The following RNASE11 variants were observed in gnomAD, a reference collection of about 807,000 sequenced individuals.
RNASE11 encodes the protein putative inactive ribonuclease 11.
For missense variants in RNASE11, 252 were observed against 237.8 expected, an observed-to-expected ratio of 1.06 and a Z score of -0.39; for synonymous variants, 105 against 86.1, an observed-to-expected ratio of 1.22 and a Z score of -1.21.
chr14:20,585,784 T>C (rs1485845476), intron 1 of RNASE11, among the ~76,000 whole-genome samples: 1 of 152,248 alleles, frequency 6.6e-6, no homozygotes, highest in Middle Eastern at 3.2e-3. Context: ...TTCTCAACAC[T>C]ATTTGTTAAC....
chr14:20,587,157 T>C (rs2138892194), intron 1 of RNASE11, among the ~76,000 whole-genome samples: 1 of 152,316 alleles, frequency 6.6e-6, no homozygotes, highest in South Asian at 2.1e-4. Flanking sequence ...TGATCCTATA[T>C]ATCTGTATAA....
upstream of RNASE11, chr14:20,587,879 T>G (rs1464596515): frequency 1.0e-6 from 1 of 977,918 alleles, no homozygotes; most frequent in East Asian, 1.1e-4. Flanking sequence ...TGACATGACC[T>G]TGAACTAAGT....
At chr14:20,587,208 T>C (rs1342532006) in intron 1 of RNASE11, among the ~76,000 whole-genome samples, 1 of 152,202 alleles carries the variant, frequency 6.6e-6, no homozygotes. Flanking sequence ...TAGATAGATA[T>C]AGATACACAC....
In RNASE11 at chr14:20,584,064, G is replaced by T; in HGVS notation, c.411C>A (p.Cys137Ter). The stretch of plus-strand genomic sequence containing the variant: ...TTATGCCAGGATTCTGTACAAACTT[G>T]CAGCTGGGGGCCCTGTGGACCCTGC... Residue 137 changes from cysteine (C) to a stop codon, truncating the protein, a stop_gained, in exon 2 of 2, where the codon TGC becomes TGA. Coordinates refer to ENST00000553849, the Ensembl canonical transcript of RNASE11. LOFTEE classifies it low-confidence loss of function (END_TRUNC). 2 of 1,614,164 alleles carry T rather than the reference G, an allele frequency of 1.2e-6. No individual in the cohort carries two copies. The highest frequency in any genetic ancestry group is 2.2e-5 in the South Asian group (2 of 91,086).
chr14:20,583,727 A>C, exon 2 of RNASE11: 1 of 745,786 alleles, frequency 1.3e-6, no homozygotes, highest in Non-Finnish European at 2.1e-6. Flanking sequence ...ATTATCCACA[A>C]TTTTGGATTT....
exon 2 of RNASE11, chr14:20,583,776 T>C: frequency 1.5e-6 from 2 of 1,299,182 alleles, no homozygotes; most frequent in East Asian, 2.3e-5. Context: ...AGGAGTTCAC[T>C]ATAGTGCTAA....
exon 2 of RNASE11, chr14:20,583,593 G>T: frequency 9.0e-6 from 3 of 333,514 alleles, no homozygotes; most frequent in South Asian, 6.6e-5. Flanking sequence ...CTGTTTCTTG[G>T]CTTTATAGCT....
At chr14:20,584,237 T>C (rs375801285) in exon 2 of RNASE11, 25 of 1,614,128 alleles carry the variant, frequency 1.5e-5, no homozygotes, top group Non-Finnish European at 2.0e-5. Flanking sequence ...TAATGTAAAC[T>C]TCTGAATGTC....
intron 1 of RNASE11, among the ~76,000 whole-genome samples, chr14:20,584,730 C>A (rs1218644442): frequency 6.6e-6 from 1 of 152,144 alleles, no homozygotes; most frequent in Non-Finnish European, 1.5e-5. Flanking sequence ...TCCAGTTTCC[C>A]CATCTGAAAA....
In RNASE11 at chr14:20,584,109, G is replaced by A. The variant is rs199907192; in HGVS notation, c.366C>T (p.Arg122=). Reference sequence around the variant, plus strand: ...CCCTGCGCATCACTTCTGTGGAGCTGCGGATGAAGTTATTGCTCCACTTGC... The same window carrying A: ...CCCTGCGCATCACTTCTGTGGAGCTACGGATGAAGTTATTGCTCCACTTGC... The change falls in exon 2 of 2, where the codon CGC becomes CGT. Residue 122 remains arginine, a synonymous_variant. Transcript: ENST00000553849. 1.4e-4 allele frequency: 218 copies of A among 1,614,178 alleles called. 2 individuals are homozygous for A. The South Asian group carries it at 2.3e-3, about 17-fold the overall frequency.
chr14:20,584,110 C>T (rs376695059), exon 2 of RNASE11: 13 of 1,614,038 alleles, frequency 8.1e-6, no homozygotes, highest in South Asian at 2.2e-5. Flanking sequence ...TGTGGAGCTG[C>T]GGATGAAGTT....
chr14:20,589,713 C>T (rs939460891), upstream of RNASE11, among the ~76,000 whole-genome samples: 1 of 151,806 alleles, frequency 6.6e-6, no homozygotes, highest in African/African-American at 2.4e-5. Context: ...ATGGAGAAAC[C>T]TCATCTCTAC....
At chr14:20,589,558 C>T (rs1357612585), upstream of RNASE11, among the ~76,000 whole-genome samples, 1 of 151,068 alleles carries the variant, frequency 6.6e-6, no homozygotes, top group Non-Finnish European at 1.5e-5. Flanking sequence ...CGGCGAGCAT[C>T]CAAGATTTTT....
chr14:20,583,784 T>C, exon 2 of RNASE11: 1 of 1,368,058 alleles, frequency 7.3e-7, no homozygotes, highest in Non-Finnish European at 9.9e-7. Context: ...ACTATAGTGC[T>C]AAAGAGTAGA....
At chr14:20,586,759 G>A (rs1884442645) in intron 1 of RNASE11, among the ~76,000 whole-genome samples, 1 of 152,158 alleles carries the variant, frequency 6.6e-6, no homozygotes, top group Non-Finnish European at 1.5e-5. Context: ...AGAAGAGCAG[G>A]GCAGAAATTT....
chr14:20,583,853 T>C (rs747465458), exon 2 of RNASE11: 3 of 1,578,246 alleles, frequency 1.9e-6, no homozygotes, highest in Non-Finnish European at 2.6e-6. Flanking sequence ...AGTAAGACCC[T>C]AGTCCTAAAG....
At chr14:20,585,098 T>A in intron 1 of RNASE11, 1 of 984,882 alleles carries the variant, frequency 1.0e-6, no homozygotes, top group Non-Finnish European at 1.2e-6. Context: ...GAAATCGTGT[T>A]TGTTTCCTGG....
At chr14:20,583,080 A>T (rs1196128192), downstream of RNASE11, 1 of 152,216 alleles carries the variant, frequency 6.6e-6, no homozygotes, top group Non-Finnish European at 1.5e-5. Context: ...TAGTGAACAA[A>T]ATTAACTACA....
intron 1 of RNASE11, 92 bp from the exon 3 acceptor site, chr14:20,584,588 T>G: frequency 9.8e-7 from 1 of 1,021,476 alleles, no homozygotes; most frequent in Non-Finnish European, 1.4e-6. Flanking sequence ...TAGGGACCCC[T>G]ACATGTAGGT....
Sources: allele counts gnomAD v4.1 joint callset (sites outside exome capture counted in the v4.1 genomes callset), GRCh38; gene constraint gnomAD v4.1.1; transcripts MANE v1.5; gene names NCBI Gene and HGNC (gene_info 2026-07-23, HGNC 2026-07-21).